Variants in SGCZ observed in about 807,000 individuals in gnomAD.
SGCZ encodes the protein zeta-sarcoglycan.
A neutral mutation model predicts 41.3 loss-of-function variants in SGCZ; 40 were observed. The ratio of observed to expected loss-of-function variants is 0.97; its 90% CI spans 0.75 to 1.26. SGCZ has a LOEUF of 1.26. Among genes scored for constraint, SGCZ ranks in the 50% most tolerant of loss-of-function variants. The probability of loss-of-function intolerance (pLI) is 0.00; values close to 1 mark genes in which losing one functional copy is unlikely to be tolerated. For missense variants in SGCZ, 552 were observed against 369.8 expected (o/e 1.49, Z -4.04); for synonymous variants, 206 against 137.5 (o/e 1.50, Z -3.49).
rs551114096 is a variant in SGCZ at position 14,838,093 on chromosome 8, A to G, written c.40-283167T>C. Among the ~76,000 whole-genome samples, 3 of 152,316 alleles carry G rather than the reference A, an allele frequency of 2.0e-5. No homozygotes were observed. The South Asian group carries it at 6.2e-4, about 32-fold the overall frequency. On this transcript the variant is annotated intron_variant, in intron 1 of 7. Coordinates refer to ENST00000382080, the MANE Select transcript of SGCZ (RefSeq NM_139167.4). Reference sequence around the variant, plus strand: ...ATTAAGTGAAATAATCCAGGCACAGAAAGTTAAATCTCATGTTCTCACTCA... The same window carrying G: ...ATTAAGTGAAATAATCCAGGCACAGGAAGTTAAATCTCATGTTCTCACTCA...
chr8:14,821,180 T>G (rs1311747072), intron 1 of SGCZ, among the ~76,000 whole-genome samples: 1 of 152,186 alleles, frequency 6.6e-6, no homozygotes, highest in Middle Eastern at 3.4e-3. Context: ...GAGACTATTA[T>G]GAATGAACAG....
chr8:15,137,281 G>T (rs1253326362), intron 1 of SGCZ, among the ~76,000 whole-genome samples: 1 of 152,172 alleles, frequency 6.6e-6, no homozygotes, highest in Non-Finnish European at 1.5e-5. Flanking sequence ...AAGTGGAAAA[G>T]ATTTAAGAGG....
At chr8:14,290,713 G>C (rs1800811074) in intron 3 of SGCZ, among the ~76,000 whole-genome samples, 1 of 140,050 alleles carries the variant, frequency 7.1e-6, no homozygotes, top group South Asian at 2.4e-4. Flanking sequence ...GTGGAGAATA[G>C]TGAACAAATA....
Position 14,490,767 on chromosome 8 carries a change from C to G in SGCZ, c.234+63965G>C, listed in dbSNP as rs76720570. On this transcript the variant is annotated intron_variant, in intron 2 of 7. Coordinates refer to ENST00000382080, the MANE Select transcript of SGCZ (RefSeq NM_139167.4). ...AAAACATCAGACCTCTTATGACAAT[C>G]CAGATTCTCATGTAAGCTCTATTAA... Among the ~76,000 whole-genome samples the G allele has an allele frequency of 7.8e-3, 1,191 of 152,134 alleles. 26 individuals are homozygous for G. The highest frequency in any genetic ancestry group is 0.078 in the East Asian group (401 of 5,156).
chr8:14,707,048 A>G (rs1048298466), intron 1 of SGCZ, among the ~76,000 whole-genome samples: 2 of 148,660 alleles, frequency 1.3e-5, no homozygotes, highest in African/African-American at 5.0e-5. Context: ...TTTTATTATT[A>G]TTATACTTTA....
intron 2 of SGCZ, among the ~76,000 whole-genome samples, chr8:14,543,828 G>T (rs1218481436): frequency 1.3e-5 from 2 of 152,170 alleles, no homozygotes; most frequent in Non-Finnish European, 2.9e-5. Context: ...TTCGGACTGA[G>T]TTCAAATTCT....
At chr8:15,058,664 G>A (rs773734603) in intron 1 of SGCZ, among the ~76,000 whole-genome samples, 27 of 152,230 alleles carry the variant, frequency 1.8e-4, no homozygotes, top group Middle Eastern at 3.4e-3. Flanking sequence ...TGTTTCTTGA[G>A]TATGTCAACC....
intron 4 of SGCZ, among the ~76,000 whole-genome samples, chr8:14,237,162 T>C (rs1330014249): frequency 2.6e-5 from 4 of 152,130 alleles, no homozygotes; most frequent in Non-Finnish European, 5.9e-5. Flanking sequence ...AAAATATTTC[T>C]TAGAAAAATG....
intron 1 of SGCZ, among the ~76,000 whole-genome samples, chr8:14,788,548 T>C (rs1427743462): frequency 6.6e-6 from 1 of 152,204 alleles, no homozygotes; most frequent in East Asian, 1.9e-4. Context: ...AGATTCTTCA[T>C]TTAAATCATG....
At chr8:15,151,311 C>A (rs1429840183) in intron 1 of SGCZ, among the ~76,000 whole-genome samples, 1 of 152,232 alleles carries the variant, frequency 6.6e-6, no homozygotes, top group Non-Finnish European at 1.5e-5. Flanking sequence ...CTTCTGGAAT[C>A]TCACCCAACA....
At chr8:14,765,240 A>G (rs1193915802) in intron 1 of SGCZ, among the ~76,000 whole-genome samples, 3 of 152,208 alleles carry the variant, frequency 2.0e-5, no homozygotes, top group African/African-American at 7.2e-5. Flanking sequence ...TAACCATCCT[A>G]GACTCATAAA....
At chr8:14,566,627 G>A (rs148485584) in intron 1 of SGCZ, among the ~76,000 whole-genome samples, 1 of 152,364 alleles carries the variant, frequency 6.6e-6, no homozygotes, top group East Asian at 1.9e-4. Context: ...TTCTTCTTTT[G>A]TTTTACATGA....
intron 1 of SGCZ, among the ~76,000 whole-genome samples, chr8:14,959,968 A>G (rs1390629783): frequency 3.9e-5 from 6 of 152,158 alleles, no homozygotes; most frequent in Non-Finnish European, 8.8e-5. Context: ...AACTCTGCCA[A>G]AAGTCTTCTA....
At chr8:14,096,911 T>A (rs955215817) in intron 7 of SGCZ, among the ~76,000 whole-genome samples, 4 of 152,050 alleles carry the variant, frequency 2.6e-5, no homozygotes, top group African/African-American at 9.7e-5. Context: ...TATATTATTC[T>A]CTAGTAGTTT....
chr8:14,169,742 A>G (rs1804318384), intron 4 of SGCZ, among the ~76,000 whole-genome samples: 1 of 152,066 alleles, frequency 6.6e-6, no homozygotes, highest in Non-Finnish European at 1.5e-5. Context: ...TGACTCCAAC[A>G]CTCTCTTGAT....
chr8:14,258,407 T>C, intron 3 of SGCZ, among the ~76,000 whole-genome samples: 1 of 152,100 alleles, frequency 6.6e-6, no homozygotes, highest in Admixed American at 6.6e-5. Flanking sequence ...TACTGGAGGA[T>C]TCATGGAACA....
chr8:14,637,078 T>C (rs1465109847), intron 1 of SGCZ, among the ~76,000 whole-genome samples: 1 of 151,772 alleles, frequency 6.6e-6, no homozygotes, highest in African/African-American at 2.4e-5. Flanking sequence ...GATTCGTGTT[T>C]CACTCTCTCC....
chr8:14,596,427 A>C (rs1317978669), intron 1 of SGCZ, among the ~76,000 whole-genome samples: 1 of 152,212 alleles, frequency 6.6e-6, no homozygotes, highest in African/African-American at 2.4e-5. Context: ...TTAAACATTT[A>C]ATGAGGATAA....
At chr8:14,822,506 A>T (rs763094847) in intron 1 of SGCZ, among the ~76,000 whole-genome samples, 3 of 152,150 alleles carry the variant, frequency 2.0e-5, no homozygotes, top group Non-Finnish European at 4.4e-5. Flanking sequence ...ATCACAAAAG[A>T]CCCTAAATAG....
Sources: gnomAD v4.1 joint callset for allele counts (sites outside exome capture counted in the v4.1 genomes callset) on GRCh38, gnomAD v4.1.1 for gene constraint, MANE v1.5 for transcripts, NCBI Gene and HGNC (gene_info 2026-07-23, HGNC 2026-07-21) for gene names.